The following BCL2 variants were observed in gnomAD, a reference collection of about 807,000 sequenced individuals.
BCL2 encodes apoptosis regulator Bcl-2.
A neutral mutation model predicts 14.2 loss-of-function variants in BCL2; 1 was observed. The ratio of observed to expected loss-of-function variants is 0.07; its 90% CI spans 0.02 to 0.33. The LOEUF (loss-of-function observed/expected upper bound fraction) is 0.33, where lower values mean the gene tolerates loss of function less well. BCL2 is among the 10% of genes least tolerant of loss of function. The pLI is 0.99. For synonymous variants in BCL2, 151 were observed against 137.2 expected (o/e 1.10, Z -0.70); for missense variants, 247 against 305.9 (o/e 0.81, Z 1.44).
At chr18:63,169,943 A>G (rs1318004675) in intron 2 of BCL2, among the ~76,000 whole-genome samples, 2 of 152,138 alleles carry the variant, frequency 1.3e-5, no homozygotes, top group African/African-American at 2.4e-5. Context: ...ACATTTTTCA[A>G]TGTTTTCCTT....
intron 2 of BCL2, among the ~76,000 whole-genome samples, chr18:63,159,383 G>A (rs1056105958): frequency 6.6e-6 from 1 of 152,178 alleles, no homozygotes; most frequent in African/African-American, 2.4e-5. Flanking sequence ...CACTGCGTCT[G>A]GAGTCTATGT....
chr18:63,183,030 C>T (rs373463532), intron 2 of BCL2, among the ~76,000 whole-genome samples: 11 of 152,190 alleles, frequency 7.2e-5, no homozygotes, highest in African/African-American at 2.7e-4. Flanking sequence ...AGGTCACTGA[C>T]GAATCTCTGT....
At chr18:63,227,316 T>G (rs1030160686) in intron 2 of BCL2, among the ~76,000 whole-genome samples, 6 of 152,246 alleles carry the variant, frequency 3.9e-5, no homozygotes, top group Non-Finnish European at 7.3e-5. Flanking sequence ...TATTCAAGGA[T>G]GTACTTCAGT....
intron 2 of BCL2, among the ~76,000 whole-genome samples, chr18:63,209,174 G>A (rs1388830669): frequency 1.3e-5 from 2 of 152,190 alleles, no homozygotes; most frequent in Non-Finnish European, 2.9e-5. Flanking sequence ...AGGAGACCCG[G>A]CCTCCTCTTC....
At chr18:63,145,464 C>T (rs571980305) in intron 2 of BCL2, among the ~76,000 whole-genome samples, 3 of 152,218 alleles carry the variant, frequency 2.0e-5, no homozygotes, top group African/African-American at 7.2e-5. Context: ...GGTCTCTCTC[C>T]TCCTGGAGGC....
chr18:63,222,129 C>T (rs1910407933), intron 2 of BCL2, among the ~76,000 whole-genome samples: 1 of 151,844 alleles, frequency 6.6e-6, no homozygotes. Flanking sequence ...CAAAAATTAG[C>T]CAGGCATACT....
chr18:63,247,487 C>T (rs532055841), intron 2 of BCL2, among the ~76,000 whole-genome samples: 38 of 152,142 alleles, frequency 2.5e-4, no homozygotes, highest in Middle Eastern at 3.4e-3. Flanking sequence ...TGTGAGCCAC[C>T]GCGCCCGGCC....
At chr18:63,226,085 A>T (rs1281426092) in intron 2 of BCL2, among the ~76,000 whole-genome samples, 2 of 152,190 alleles carry the variant, frequency 1.3e-5, no homozygotes, top group African/African-American at 4.8e-5. Context: ...GGGGACGGGG[A>T]TGGAAGGTAA....
chr18:63,159,720 T>G (rs1914870670), intron 2 of BCL2, among the ~76,000 whole-genome samples: 1 of 152,086 alleles, frequency 6.6e-6, no homozygotes, highest in South Asian at 2.1e-4. Context: ...AGTAGGGAAA[T>G]GAGCCAAACA....
rs1913928641 is a variant in BCL2, at chr18:63,127,067, AC to A, written c.*1557del. 4 of 228,498 alleles carry A rather than the reference AC, an allele frequency of 1.8e-5. No individual in the cohort carries two copies. The South Asian group carries it at 7.3e-4, about 42-fold the overall frequency. 14.2% of individuals were successfully genotyped at this position (228,498 alleles called of 1,614,324 possible). ...TTTAATGCCCCAGGATGTACAGATA[AC>A]CCCCATATTCCACACCTGGAACTTT... On this transcript the variant is annotated 3_prime_UTR_variant, in exon 3 of 3. Transcript: ENST00000333681.
At chr18:63,288,816 T>G (rs550427957) in intron 2 of BCL2, among the ~76,000 whole-genome samples, 1 of 152,122 alleles carries the variant, frequency 6.6e-6, no homozygotes, top group East Asian at 1.9e-4. Flanking sequence ...TTACAATAAC[T>G]GTCTACTGTT....
rs1175461383 is a variant in BCL2 at position 63,149,265 on chromosome 18, C to T, written c.586-20506G>A. 6.6e-6 allele frequency among the ~76,000 whole-genome samples: 1 copy of T among 152,174 alleles called. No homozygotes were observed. Among genetic ancestry groups the T allele is most frequent in the Non-Finnish European group, 1.5e-5 (1 of 68,028 alleles). ...CACAGATCATCAGGCATTCGGTTCC[C>T]ATAAGGAGCACACAACCTAGATCCC... is the stretch of plus-strand genomic sequence containing the variant. On this transcript the variant is annotated intron_variant, in intron 2 of 2. Coordinates refer to ENST00000333681, the MANE Select transcript of BCL2 (RefSeq NM_000633.3). This position sits in a 1 kb window ranked among gnomAD's most constrained non-coding sequence, Gnocchi z 4.2.
At position 63,318,788 on chromosome 18, in the gene BCL2, T is replaced by C; in HGVS notation, c.-122A>G. On this transcript the variant is annotated 5_prime_UTR_variant, in exon 2 of 3. Coordinates refer to ENST00000333681, the MANE Select transcript of BCL2 (RefSeq NM_000633.3). The surrounding 1 kb of genome is among the most constrained non-coding windows in gnomAD (Gnocchi z 7.4). The stretch of plus-strand genomic sequence containing the variant: ...ATTTTATTGGATGTGCTTTGCATTC[T>C]TGGACGAGGGGGTGTCTTCAATCAC... 1 of 1,493,228 alleles carries C rather than the reference T, an allele frequency of 6.7e-7. No individual in the cohort carries two copies. Among genetic ancestry groups the C allele is most frequent in the Non-Finnish European group, 8.9e-7 (1 of 1,122,228 alleles). 92.5% of individuals were successfully genotyped at this position (1,493,228 alleles called of 1,614,324 possible).
At chr18:63,312,546 C>T (rs1397501878) in intron 2 of BCL2, among the ~76,000 whole-genome samples, 1 of 152,140 alleles carries the variant, frequency 6.6e-6, no homozygotes, top group Admixed American at 6.5e-5. Flanking sequence ...ACGAACAGAC[C>T]ACAAGCCCAA....
chr18:63,298,141 G>GA (rs1912852818), intron 2 of BCL2, among the ~76,000 whole-genome samples: 2 of 152,060 alleles, frequency 1.3e-5, no homozygotes, highest in Non-Finnish European at 2.9e-5. Flanking sequence ...ATGCTGACAT[G>GA]AAAATCAGTG....
chr18:63,147,902 C>T (rs9953797), intron 2 of BCL2, among the ~76,000 whole-genome samples: 96 of 152,150 alleles, frequency 6.3e-4, no homozygotes, highest in African/African-American at 2.1e-3. Flanking sequence ...TGGATGCCCC[C>T]AGGAGATATT....
chr18:63,196,827 A>G (rs950204908), intron 2 of BCL2, among the ~76,000 whole-genome samples: 6 of 152,320 alleles, frequency 3.9e-5, no homozygotes, highest in Admixed American at 2.0e-4. Context: ...TTTCCTGCAC[A>G]TGGAAACATC....
chr18:63,221,975 C>T lies in BCL2; in HGVS notation c.586-93216G>A, dbSNP rs116221942. On this transcript the variant is annotated intron_variant, in intron 2 of 2. Coordinates refer to ENST00000333681, the MANE Select transcript of BCL2 (RefSeq NM_000633.3). ...GTAGAAACGATTTCACAACTCAGGACTCACAAGATTCCTATAGAAAAGAGG... is the reference window on the plus strand; with the variant it reads ...GTAGAAACGATTTCACAACTCAGGATTCACAAGATTCCTATAGAAAAGAGG... 6.9e-3 allele frequency among the ~76,000 whole-genome samples: 1,055 copies of T among 152,226 alleles called. 14 individuals carry two copies. The highest frequency in any genetic ancestry group is 0.024 in the African/African-American group (991 of 41,542).
intron 2 of BCL2, among the ~76,000 whole-genome samples, chr18:63,166,661 C>G (rs188638738): frequency 6.6e-6 from 1 of 152,206 alleles, no homozygotes; most frequent in Non-Finnish European, 1.5e-5. Context: ...CATTAACACA[C>G]CCCTCCAACA....
Sources: allele counts gnomAD v4.1 joint callset (sites outside exome capture counted in the v4.1 genomes callset), GRCh38; gene constraint gnomAD v4.1.1; non-coding constraint Gnocchi (gnomAD v3.1); transcripts MANE v1.5; gene names NCBI Gene and HGNC (gene_info 2026-07-23, HGNC 2026-07-21).